Variants in CPNE8 observed in about 807,000 individuals in gnomAD.
CPNE8 encodes copine 8.
Under a neutral mutation model 81.5 loss-of-function variants are expected in CPNE8, and 45 were observed. That is an observed-to-expected ratio of 0.55 (90% CI 0.44 to 0.71). The LOEUF is 0.71. CPNE8 is among the 30% of genes least tolerant of loss of function. CPNE8 has a pLI of 0.00. For synonymous variants in CPNE8, 252 were observed against 226.3 expected (o/e 1.11, Z -1.02); for missense variants, 594 against 672.1 (o/e 0.88, Z 1.28).
intron 6 of CPNE8, among the ~76,000 whole-genome samples, chr12:38,803,505 T>C (rs1423329677): frequency 2.0e-5 from 3 of 149,108 alleles, no homozygotes. Flanking sequence ...ATGGGACGTA[T>C]TTCAGAATAA....
chr12:38,906,391 T>C, upstream of CPNE8: 1 of 985,550 alleles, frequency 1.0e-6, no homozygotes, highest in Non-Finnish European at 1.2e-6. Context: ...GGAAGCAATC[T>C]GGATTCTGTC....
intron 10 of CPNE8, among the ~76,000 whole-genome samples, chr12:38,742,673 T>TATAAATAAATAAATAA (rs1555151385): frequency 1.5e-5 from 1 of 68,756 alleles, no homozygotes; most frequent in African/African-American, 3.5e-5. Context: ...GAACTTAAAA[T>TATAAATAAATAAATAA]ATAAATAAAT....
At chr12:38,884,429 G>A (rs187176682) in intron 1 of CPNE8, among the ~76,000 whole-genome samples, 1 of 152,104 alleles carries the variant, frequency 6.6e-6, no homozygotes, top group East Asian at 1.9e-4. Context: ...TACTACTTTG[G>A]TTCATCGATT....
At chr12:38,734,453 G>C (rs185221738) in intron 10 of CPNE8, among the ~76,000 whole-genome samples, 1 of 152,010 alleles carries the variant, frequency 6.6e-6, no homozygotes, top group Non-Finnish European at 1.5e-5. Flanking sequence ...ATGGAAAAAA[G>C]AGAATATTGC....
At chr12:38,799,960 ACGG>A (rs1379036722) in intron 6 of CPNE8, among the ~76,000 whole-genome samples, 1 of 149,652 alleles carries the variant, frequency 6.7e-6, no homozygotes, top group Non-Finnish European at 1.5e-5. Context: ...GGCTTAAGAA[ACGG>A]CGCACCACGA....
intron 19 of CPNE8, among the ~76,000 whole-genome samples, chr12:38,663,257 T>C (rs1938997117): frequency 6.6e-6 from 1 of 151,396 alleles, no homozygotes; most frequent in African/African-American, 2.4e-5. Context: ...ATTCAAACAA[T>C]AGCAAAACAA....
chr12:38,735,645 A>G (rs1302869605), intron 10 of CPNE8, among the ~76,000 whole-genome samples: 1 of 152,066 alleles, frequency 6.6e-6, no homozygotes, highest in African/African-American at 2.4e-5. Flanking sequence ...TTAAAACATC[A>G]ACACAATCAA....
chr12:38,797,054 T>A (rs893573247), intron 6 of CPNE8, among the ~76,000 whole-genome samples: 6 of 152,174 alleles, frequency 3.9e-5, no homozygotes, highest in Non-Finnish European at 7.3e-5. Flanking sequence ...AAGCTCGAAC[T>A]GGGTGGAGCC....
chr12:38,764,424 C>T lies in CPNE8; in HGVS notation c.576-2208G>A, dbSNP rs987362621. Among the ~76,000 whole-genome samples the T allele has an allele frequency of 2.7e-5, 4 of 150,836 alleles. No individual in the cohort carries two copies. The South Asian group carries it at 6.3e-4, about 24-fold the overall frequency. On this transcript the variant is annotated intron_variant, in intron 8 of 19. Coordinates refer to ENST00000331366, the MANE Select transcript of CPNE8 (RefSeq NM_153634.3). The stretch of plus-strand genomic sequence containing the variant: ...CGAGGTCAGGAGATCGAGACCATCC[C>T]GGCTAAAACGGTGAAACCCCGTCTC...
At chr12:38,680,538 T>A (rs889678390) in intron 16 of CPNE8, among the ~76,000 whole-genome samples, 1 of 151,996 alleles carries the variant, frequency 6.6e-6, no homozygotes, top group Non-Finnish European at 1.5e-5. Flanking sequence ...GGCTTAAAGA[T>A]GTAAGGCATC....
intron 13 of CPNE8, among the ~76,000 whole-genome samples, chr12:38,710,687 A>G (rs1940234068): frequency 6.6e-6 from 1 of 152,086 alleles, no homozygotes; most frequent in Non-Finnish European, 1.5e-5. Flanking sequence ...TATTAACATA[A>G]ATTTATTTTC....
chr12:38,784,027 C>T (rs1266000124), intron 6 of CPNE8, among the ~76,000 whole-genome samples: 3 of 152,156 alleles, frequency 2.0e-5, no homozygotes, highest in African/African-American at 7.2e-5. Context: ...CTAAATAAAG[C>T]ACCAGGAACC....
At chr12:38,663,914 T>TA in intron 19 of CPNE8, among the ~76,000 whole-genome samples, 1 of 152,010 alleles carries the variant, frequency 6.6e-6, no homozygotes, top group East Asian at 1.9e-4. Flanking sequence ...ATGTGTAAGC[T>TA]AAAAAAGTTG....
intron 10 of CPNE8, among the ~76,000 whole-genome samples, chr12:38,730,852 C>CT (rs141246830): frequency 0.56 from 85,249 of 151,384 alleles, 24,462 homozygotes; most frequent in East Asian, 0.81. Context: ...AGTCACTACA[C>CT]TTTTTTTCTA....
intron 1 of CPNE8, among the ~76,000 whole-genome samples, chr12:38,875,942 T>C (rs1944060086): frequency 6.6e-6 from 1 of 152,220 alleles, no homozygotes. Flanking sequence ...AGTTCTTCAC[T>C]TAAGTGGGAA....
intron 15 of CPNE8, 31 bp from the exon 16 acceptor site, chr12:38,685,648 A>AACAAC (rs1283304534): frequency 4.7e-5 from 76 of 1,600,620 alleles, no homozygotes; most frequent in Non-Finnish European, 6.1e-5. Flanking sequence ...AACAAAACAA[A>AACAAC]ACAACAGTAA....
Position 38,653,248 on chromosome 12 carries a change from A to G in CPNE8, c.*634T>C, listed in dbSNP as rs1249496046. On this transcript the variant is annotated 3_prime_UTR_variant, in exon 20 of 20. Coordinates refer to ENST00000331366, the MANE Select transcript of CPNE8 (RefSeq NM_153634.3). Reference sequence around the variant, plus strand: ...ACACATCTGCCGGGCTTAAACTCCCATACCCAGCAAACATTGCTGAGAAAT... The same window carrying G: ...ACACATCTGCCGGGCTTAAACTCCCGTACCCAGCAAACATTGCTGAGAAAT... 1.3e-5 allele frequency: 2 copies of G among 152,650 alleles called. No individual in the cohort carries two copies. The highest frequency in any genetic ancestry group is 2.9e-5 in the Non-Finnish European group (2 of 68,038). 9.5% of individuals were successfully genotyped at this position (152,650 alleles called of 1,614,324 possible).
chr12:38,838,485 C>T (rs1489198490), intron 5 of CPNE8, among the ~76,000 whole-genome samples: 1 of 152,154 alleles, frequency 6.6e-6, no homozygotes. Flanking sequence ...GAAGTGAATA[C>T]ATTTCTTTCC....
Position 38,874,465 on chromosome 12 carries a change from A to G in CPNE8, c.139+6T>C. The G allele has an allele frequency of 6.3e-7, 1 of 1,599,524 alleles. No homozygotes were observed. ...ATTTTTCAAAAGGCAAGCAATACAT[A>G]CTTACTTGGATCAGATTTAGAAAAT... On this transcript the variant is annotated splice_donor_region_variant and intron_variant, in intron 2 of 19. Coordinates refer to ENST00000331366, the MANE Select transcript of CPNE8 (RefSeq NM_153634.3).
Sources: gnomAD v4.1 joint callset for allele counts (sites outside exome capture counted in the v4.1 genomes callset) on GRCh38, gnomAD v4.1.1 for gene constraint, MANE v1.5 for transcripts, NCBI Gene and HGNC (gene_info 2026-07-23, HGNC 2026-07-21) for gene names.